The following HECTD4 variants were observed in gnomAD, a reference collection of about 807,000 sequenced individuals.
HECTD4 encodes the protein probable E3 ubiquitin-protein ligase HECTD4.
Under a neutral mutation model 471.5 loss-of-function variants are expected in HECTD4, and 114 were observed. The ratio of observed to expected loss-of-function variants is 0.24; its 90% confidence interval spans 0.21 to 0.28. The LOEUF is 0.28. Ranked by LOEUF, HECTD4 falls within the 10% of genes least tolerant of loss-of-function variation. The probability of loss-of-function intolerance (pLI) is 1.00; values close to 1 mark genes in which losing one functional copy is unlikely to be tolerated. For synonymous variants in HECTD4, 2,012 were observed against 2,256.0 expected (o/e 0.89, Z 3.07); for missense variants, 3,866 against 5,651.5 (o/e 0.68, Z 10.13).
intron 6 of HECTD4, among the ~76,000 whole-genome samples, chr12:112,306,859 C>A (rs1253140639): frequency 6.6e-6 from 1 of 152,162 alleles, no homozygotes; most frequent in South Asian, 2.1e-4. Context: ...TCACCAAGTC[C>A]ATCAGGAGGA....
chr12:112,345,819 CG>C (rs1224912164), intron 1 of HECTD4, among the ~76,000 whole-genome samples: 1 of 152,064 alleles, frequency 6.6e-6, no homozygotes, highest in East Asian at 1.9e-4. Context: ...GGCGTGAACC[CG>C]GGAGGCAGAG....
chr12:112,188,933 C>T lies in HECTD4; in HGVS notation c.9472+1853G>A, dbSNP rs1478291649. ...CCATTTAGCATTCATGTAAGACGACCTTGGAGAGAATTCTTCACCAAAATT... is the reference window on the plus strand; with the variant it reads ...CCATTTAGCATTCATGTAAGACGACTTTGGAGAGAATTCTTCACCAAAATT... On this transcript the variant is annotated intron_variant, in intron 60 of 75. Coordinates refer to ENST00000682272, the MANE Select transcript of HECTD4 (RefSeq NM_001388303.1). This position sits in a 1 kb window ranked among gnomAD's most constrained non-coding sequence, Gnocchi z 4.2. Among the ~76,000 whole-genome samples the T allele has an allele frequency of 6.6e-6, 1 of 152,206 alleles. No homozygotes were observed. Among genetic ancestry groups the T allele is most frequent in the East Asian group, 1.9e-4 (1 of 5,200 alleles).
In HECTD4 at chr12:112,177,621, C is replaced by T. The variant is rs139852179; in HGVS notation, c.11364-919G>A. ...GGTCTCGATCTCCTGACCTTGTGAA[C>T]CGCCCATCTCGGCCTCCCAAAGTGC... On this transcript the variant is annotated intron_variant, in intron 64 of 75. Coordinates refer to ENST00000682272, the MANE Select transcript of HECTD4 (RefSeq NM_001388303.1). 6.5e-3 allele frequency among the ~76,000 whole-genome samples: 995 copies of T among 152,286 alleles called. 27 individuals are homozygous for T. Among genetic ancestry groups the T allele is most frequent in the East Asian group, 0.057 (297 of 5,180 alleles).
chr12:112,177,509 A>G (rs1180415185), intron 64 of HECTD4, among the ~76,000 whole-genome samples: 1 of 151,418 alleles, frequency 6.6e-6, no homozygotes, highest in Non-Finnish European at 1.5e-5. Context: ...CCTCCCAAGT[A>G]GCTGGGACTA....
intron 4 of HECTD4, among the ~76,000 whole-genome samples, chr12:112,311,749 C>T (rs766946198): frequency 6.6e-6 from 1 of 152,114 alleles, no homozygotes; most frequent in Non-Finnish European, 1.5e-5. Flanking sequence ...CCATCCTCCT[C>T]AGTGAGAAAC....
chr12:112,319,608 C>G lies in HECTD4; in HGVS notation c.312G>C (p.Gln104His), dbSNP rs1055102232. The part of the protein sequence containing the change: ...LNALRGLWNA[Q>H]RQLALEEQHE... ...GCTGTTCTTCTAAGGCCAGCTGGCGCTGGGCATTCCACAGTCCTCGCAAGG... is the reference window on the plus strand; with the variant it reads ...GCTGTTCTTCTAAGGCCAGCTGGCGGTGGGCATTCCACAGTCCTCGCAAGG... Residue 104 changes from glutamine (Q) to histidine (H), a missense_variant, in exon 2 of 76, where the codon CAG becomes CAC. Gln to His is a conservative substitution (Grantham distance 24). This residue lies in a region of HECTD4 where 440 missense variants were observed against 636.0 expected (regional missense o/e 0.69). Transcript: ENST00000682272. This position sits in a 1 kb window ranked among gnomAD's most constrained non-coding sequence, Gnocchi z 5.3. 6.3e-6 allele frequency: 9 copies of G among 1,421,198 alleles called. No individual in the cohort carries two copies. The highest frequency in any genetic ancestry group is 5.5e-6 in the Non-Finnish European group (6 of 1,092,180). 88.0% of individuals were successfully genotyped at this position (1,421,198 alleles called of 1,614,324 possible).
In HECTD4 at chr12:112,270,351, G is replaced by C. The variant is rs747861938; in HGVS notation, c.2051C>G (p.Thr684Arg). Residue 684 changes from threonine (T) to arginine (R), a missense_variant, in exon 12 of 76, where the codon ACA becomes AGA. Around this residue, in one of 16 missense-constraint regions of HECTD4, gnomAD observed 525 missense variants for 672.6 expected, o/e 0.78. Coordinates refer to ENST00000682272, the MANE Select transcript of HECTD4 (RefSeq NM_001388303.1). ...TGGATGCTGCTTGCCCAAGACACTTGTGATTGGAAGATTGGGGTTGGTGGC... is the reference window on the plus strand; with the variant it reads ...TGGATGCTGCTTGCCCAAGACACTTCTGATTGGAAGATTGGGGTTGGTGGC... ...LLATNPNLPI[T>R]SVLGKQHPIE... 1.9e-6 allele frequency: 3 copies of C among 1,614,032 alleles called. No individual in the cohort carries two copies.
At chr12:112,273,440 C>T (rs2034459457) in intron 11 of HECTD4, among the ~76,000 whole-genome samples, 1 of 152,060 alleles carries the variant, frequency 6.6e-6, no homozygotes, top group Admixed American at 6.6e-5. Context: ...CTATGGACCA[C>T]CTCAAAAGCT....
chr12:112,215,978 C>CT (rs1358225887), intron 48 of HECTD4, among the ~76,000 whole-genome samples: 3 of 152,120 alleles, frequency 2.0e-5, no homozygotes, highest in African/African-American at 7.2e-5. Flanking sequence ...GTGGAGTTCT[C>CT]TTTTTTTGAA....
At chr12:112,221,906 C>T (rs543492808) in intron 44 of HECTD4, among the ~76,000 whole-genome samples, 1 of 151,310 alleles carries the variant, frequency 6.6e-6, no homozygotes, top group African/African-American at 2.4e-5. Context: ...AGGCACTCGC[C>T]CCCATGCTCG....
chr12:112,236,881 G>C, intron 35 of HECTD4, 64 bp downstream of exon 35: 1 of 1,409,138 alleles, frequency 7.1e-7, no homozygotes. Flanking sequence ...ACCACCAAAA[G>C]AAACCCCAAT....
In HECTD4 at chr12:112,197,012, T is replaced by G. The variant is rs547542507; in HGVS notation, c.8568-1946A>C. On this transcript the variant is annotated intron_variant, in intron 55 of 75. Coordinates refer to ENST00000682272, the MANE Select transcript of HECTD4 (RefSeq NM_001388303.1). ...GGCCTTACCATGTCGGCTAGGCTGG[T>G]CTCGAACTCCTCACCTCAAGTGATC... Among the ~76,000 whole-genome samples, 3 of 152,074 alleles carry G rather than the reference T, an allele frequency of 2.0e-5. No individual in the cohort carries two copies. In the South Asian group the frequency reaches 6.2e-4, roughly 32 times the overall value.
At chr12:112,251,721 G>A (rs1388943725) in intron 23 of HECTD4, among the ~76,000 whole-genome samples, 2 of 152,138 alleles carry the variant, frequency 1.3e-5, no homozygotes, top group African/African-American at 4.8e-5. Context: ...TTCGGAATCA[G>A]GCAACTGGAG....
rs769883646 is a variant in HECTD4, at chr12:112,243,861, A to G, written c.4649+13T>C. ...TGCATGTGGGAACCCAACCCCGGCC[A>G]TTAGCCATTTACCTCTGATTTGCTC... is the stretch of plus-strand genomic sequence containing the variant. On this transcript the variant is annotated intron_variant, in intron 30 of 75. Coordinates refer to ENST00000682272, the MANE Select transcript of HECTD4 (RefSeq NM_001388303.1). This position sits in a 1 kb window ranked among gnomAD's most constrained non-coding sequence, Gnocchi z 6.6. The G allele has an allele frequency of 1.9e-6, 3 of 1,613,200 alleles. No homozygotes were observed. Among genetic ancestry groups the G allele is most frequent in the Admixed American group, 1.7e-5 (1 of 59,958 alleles).
intron 51 of HECTD4, 51 bp downstream of exon 51, chr12:112,208,443 G>T (rs1222355888): frequency 6.7e-7 from 1 of 1,489,582 alleles, no homozygotes; most frequent in African/African-American, 1.4e-5. Flanking sequence ...TAGTCACTAG[G>T]GAGCTAAGCA....
At chr12:112,282,401 C>A (rs2034665409) in intron 8 of HECTD4, among the ~76,000 whole-genome samples, 1 of 150,770 alleles carries the variant, frequency 6.6e-6, no homozygotes, top group African/African-American at 2.4e-5. Flanking sequence ...AAAACAAAAA[C>A]AAAAAACAAC....
intron 72 of HECTD4, among the ~76,000 whole-genome samples, chr12:112,165,490 T>G (rs940662761): frequency 6.6e-6 from 1 of 151,648 alleles, no homozygotes; most frequent in Non-Finnish European, 1.5e-5. Flanking sequence ...TAGCTGGGAC[T>G]ACAGGCGCCC....
chr12:112,316,848 C>T lies in HECTD4; in HGVS notation c.696-2302G>A, dbSNP rs575451765. Among the ~76,000 whole-genome samples the T allele has an allele frequency of 8.0e-5, 12 of 150,062 alleles. No individual in the cohort carries two copies. The South Asian group carries it at 1.7e-3, about 21-fold the overall frequency. Reference sequence around the variant, plus strand: ...TGATATTGGCAATAAAATGTAGGAACCATGTTAAAAAAAAAAAAACCCAAG... The same window carrying T: ...TGATATTGGCAATAAAATGTAGGAATCATGTTAAAAAAAAAAAAACCCAAG... On this transcript the variant is annotated intron_variant, in intron 2 of 75. Coordinates refer to ENST00000682272, the MANE Select transcript of HECTD4 (RefSeq NM_001388303.1).
chr12:112,265,625 T>C (rs924620350), intron 15 of HECTD4, among the ~76,000 whole-genome samples: 1 of 152,176 alleles, frequency 6.6e-6, no homozygotes, highest in Non-Finnish European at 1.5e-5. Flanking sequence ...CCTAAGTAAG[T>C]TCCATCTGTT....
Sources: allele counts gnomAD v4.1 joint callset (sites outside exome capture counted in the v4.1 genomes callset), GRCh38; gene constraint gnomAD v4.1.1; regional missense constraint gnomAD v4.1.1; non-coding constraint Gnocchi (gnomAD v3.1); transcripts MANE v1.5; gene names NCBI Gene and HGNC (gene_info 2026-07-23, HGNC 2026-07-21).